The following BLOC1S2 variants were observed in gnomAD, a reference collection of about 807,000 sequenced individuals.
BLOC1S2 encodes the protein biogenesis of lysosomal organelles complex 1 subunit 2.
In BLOC1S2, 12 loss-of-function variants were observed where a neutral mutation model predicts 19.6. That is an observed-to-expected ratio of 0.61 (90% CI 0.39 to 0.99). The LOEUF (loss-of-function observed/expected upper bound fraction) is 0.99, where lower values mean the gene tolerates loss of function less well. BLOC1S2 is among the 50% of genes least tolerant of loss of function. The pLI, the probability that BLOC1S2 is intolerant of heterozygous loss-of-function variation, is 0.00. For missense variants in BLOC1S2, 142 were observed against 171.0 expected, an observed-to-expected ratio of 0.83 and a Z score of 0.95; for synonymous variants, 66 against 64.1, an observed-to-expected ratio of 1.03 and a Z score of -0.14.
At chr10:100,275,728 C>T (rs532947584) in intron 4 of BLOC1S2, among the ~76,000 whole-genome samples, 1 of 152,328 alleles carries the variant, frequency 6.6e-6, no homozygotes, top group East Asian at 1.9e-4. Context: ...AGTCCTCACC[C>T]TGTCAACAGC....
rs557647205 is a variant in BLOC1S2, at chr10:100,274,290, A to G, written c.*1172T>C. 3 of 140,484 alleles carry G rather than the reference A, an allele frequency of 2.1e-5. No homozygotes were observed. The highest frequency in any genetic ancestry group is 4.3e-4 in the South Asian group (2 of 4,698). The allele number at this position is 140,484 out of a possible 1,614,324, so 8.7% of individuals were successfully genotyped here. A position where few individuals can be genotyped will look rare whatever the true frequency, so the allele number is the denominator to read the frequency against. The stretch of plus-strand genomic sequence containing the variant: ...ACACAAGGGACTTGTATGCATAATG[A>G]AAGTCTAGATTTTTCAGAGGCCATG... On this transcript the variant is annotated 3_prime_UTR_variant, in exon 5 of 5. Coordinates refer to ENST00000370372, the MANE Select transcript of BLOC1S2 (RefSeq NM_173809.5).
chr10:100,283,007 C>CT (rs1253639415), intron 2 of BLOC1S2: 15 of 398,522 alleles, frequency 3.8e-5, no homozygotes, highest in Non-Finnish European at 6.6e-5. Context: ...TGATCAATCT[C>CT]TGAGCTCTGG....
intron 4 of BLOC1S2, among the ~76,000 whole-genome samples, chr10:100,277,700 G>GT: frequency 1.4e-5 from 2 of 140,808 alleles, no homozygotes; most frequent in African/African-American, 2.6e-5. Flanking sequence ...CGTCCGGGAG[G>GT]GAGGTGGGGG....
chr10:100,281,440 C>G (rs889316747), intron 2 of BLOC1S2, among the ~76,000 whole-genome samples: 1 of 152,056 alleles, frequency 6.6e-6, no homozygotes, highest in Non-Finnish European at 1.5e-5. Context: ...AATCCCAGCA[C>G]TTTGGGAAGC....
At chr10:100,278,803 G>T (rs1172149617) in intron 4 of BLOC1S2, among the ~76,000 whole-genome samples, 1 of 124,370 alleles carries the variant, frequency 8.0e-6, no homozygotes, top group African/African-American at 2.9e-5. Flanking sequence ...ACCCAAGAAT[G>T]ATCAATAAAA....
rs138052038 is a variant in BLOC1S2, at chr10:100,276,292, G to GTCTCCCTCTCCA, written c.398-811_398-800dup. 2.5e-4 allele frequency among the ~76,000 whole-genome samples: 33 copies of GTCTCCCTCTCCA among 130,360 alleles called. 6 individuals are homozygous for GTCTCCCTCTCCA. The highest frequency in any genetic ancestry group is 3.2e-4 in the African/African-American group (12 of 37,760). 85.5% of individuals were successfully genotyped at this position (130,360 alleles called of 152,430 possible). ...TAAGGACAAAAACAAACTCAGGCCC[G>GTCTCCCTCTCCA]TCTCCCTCTCCATCTCCCTCTCCCG... On this transcript the variant is annotated intron_variant, in intron 4 of 4. Transcript: ENST00000370372.
chr10:100,284,751 G>A (rs772062420), intron 2 of BLOC1S2, among the ~76,000 whole-genome samples: 8 of 151,954 alleles, frequency 5.3e-5, no homozygotes, highest in Non-Finnish European at 1.2e-4. Context: ...TAGGCCTCCC[G>A]AAGTGCTGGG....
chr10:100,277,999 G>A (rs1404394332), intron 4 of BLOC1S2, among the ~76,000 whole-genome samples: 1 of 124,884 alleles, frequency 8.0e-6, no homozygotes, highest in African/African-American at 3.2e-5. Context: ...GCCCTGTCCG[G>A]GAGGGAGGTG....
chr10:100,276,292 GTCTCCCTCTCCA>G (rs138052038), intron 4 of BLOC1S2, among the ~76,000 whole-genome samples: 21 of 130,344 alleles, frequency 1.6e-4, no homozygotes, highest in Admixed American at 8.5e-4. Flanking sequence ...ACTCAGGCCC[GTCTCCCTCTCCA>G]TCTCCCTCTC....
chr10:100,278,173 C>T (rs1847988768), intron 4 of BLOC1S2, among the ~76,000 whole-genome samples: 2 of 147,472 alleles, frequency 1.4e-5, no homozygotes, highest in African/African-American at 2.5e-5. Flanking sequence ...GGGGTCAGCC[C>T]CCTACCCGGC....
At position 100,286,077 on chromosome 10, in the gene BLOC1S2, C is replaced by G. The variant is rs763409177; in HGVS notation, c.172+20G>C. The G allele has an allele frequency of 1.2e-6, 2 of 1,612,522 alleles. No homozygotes were observed. Among genetic ancestry groups the G allele is most frequent in the Non-Finnish European group, 1.7e-6 (2 of 1,179,174 alleles). The stretch of plus-strand genomic sequence containing the variant: ...CTCCTGGGCCAAACCGCACCCGAAT[C>G]AACCCAGACCCCGCCTCACCCGTCA... On this transcript the variant is annotated intron_variant, in intron 2 of 4. Transcript: ENST00000370372.
intron 2 of BLOC1S2, among the ~76,000 whole-genome samples, chr10:100,283,824 G>A (rs766111297): frequency 5.3e-5 from 8 of 152,154 alleles, no homozygotes; most frequent in African/African-American, 1.9e-4. Context: ...GCAGTGAGCC[G>A]AGATTGCACC....
At position 100,273,974 on chromosome 10, in the gene BLOC1S2, G is replaced by A. The variant is rs1456279914; in HGVS notation, c.*1488C>T. 1 of 152,118 alleles carries A rather than the reference G, an allele frequency of 6.6e-6. No individual in the cohort carries two copies. The highest frequency in any genetic ancestry group is 1.5e-5 in the Non-Finnish European group (1 of 68,024). The allele number at this position is 152,118 out of a possible 1,614,324, so 9.4% of individuals were successfully genotyped here. On this transcript the variant is annotated 3_prime_UTR_variant, in exon 5 of 5. Transcript: ENST00000370372. ...TTTATTTAAGAAAAATGTTTAAATA[G>A]GGGCCTTATGTTAGGCACGGTGGTT... is the stretch of plus-strand genomic sequence containing the variant.
At chr10:100,278,112 G>GCTCA (rs1847983359) in intron 4 of BLOC1S2, among the ~76,000 whole-genome samples, 2 of 114,298 alleles carry the variant, frequency 1.7e-5, no homozygotes, top group Non-Finnish European at 4.0e-5. Flanking sequence ...GAGGTGGGGG[G>GCTCA]GCGGTCAGCG....
At chr10:100,280,535 C>T (rs2134360151) in intron 3 of BLOC1S2, among the ~76,000 whole-genome samples, 1 of 152,302 alleles carries the variant, frequency 6.6e-6, no homozygotes, top group African/African-American at 2.4e-5. Flanking sequence ...CAAGAAAGAG[C>T]ACCCTAGAGA....
Position 100,280,340 on chromosome 10 carries a change from T to A in BLOC1S2, c.293-112A>T, listed in dbSNP as rs1848072345. The A allele has an allele frequency of 5.4e-6, 5 of 917,756 alleles. No homozygotes were observed. The East Asian group carries it at 1.4e-4, about 26-fold the overall frequency. 56.9% of individuals were successfully genotyped at this position (917,756 alleles called of 1,614,324 possible). ...TCTCTCCAGCTATGCTAAGACAGAT[T>A]AGGTGGCGTGACATGATTCTGAGCA... On this transcript the variant is annotated intron_variant, in intron 3 of 4. Transcript: ENST00000370372.
chr10:100,286,473 C>G, intron 1 of BLOC1S2, 132 bp downstream of exon 1: 1 of 1,490,814 alleles, frequency 6.7e-7, no homozygotes, highest in East Asian at 2.5e-5. Flanking sequence ...CAAACACTCG[C>G]GCGCAGCGAC....
rs1358090096 is a variant in BLOC1S2 at position 100,277,655 on chromosome 10, T to TG, written c.398-2163dup. On this transcript the variant is annotated intron_variant, in intron 4 of 4. Transcript: ENST00000370372. ...CCAGCCACCCCGTCCAGGAGGGAGG[T>TG]GGGGGGCTCAGCCCCCCCGCCCGGC... Among the ~76,000 whole-genome samples, 225 of 77,814 alleles carry TG rather than the reference T, an allele frequency of 2.9e-3. 10 individuals carry two copies. The highest frequency in any genetic ancestry group is 0.01 in the African/African-American group (192 of 18,878). 51.0% of individuals were successfully genotyped at this position (77,814 alleles called of 152,430 possible). A position where few individuals can be genotyped will look rare whatever the true frequency, so the allele number is the denominator to read the frequency against.
intron 2 of BLOC1S2, among the ~76,000 whole-genome samples, chr10:100,281,723 C>T (rs1381354298): frequency 6.7e-6 from 1 of 149,510 alleles, no homozygotes; most frequent in African/African-American, 2.5e-5. Flanking sequence ...CACACACACA[C>T]ACACACACAC....
Sources: gnomAD v4.1 joint callset for allele counts (sites outside exome capture counted in the v4.1 genomes callset) on GRCh38, gnomAD v4.1.1 for gene constraint, MANE v1.5 for transcripts, NCBI Gene and HGNC (gene_info 2026-07-23, HGNC 2026-07-21) for gene names.